Variants in CTXND2 observed in about 807,000 individuals in gnomAD.
The protein encoded by CTXND2 is cortexin domain containing 2.
chr1:150,891,368 C>T (rs1437253885), intron 1 of CTXND2, among the ~76,000 whole-genome samples: 3 of 152,154 alleles, frequency 2.0e-5, no homozygotes, highest in Admixed American at 6.5e-5. Flanking sequence ...CACCCGCCAC[C>T]ATGCCTGGCT....
At chr1:150,911,086 G>A (rs1383909162) in intron 1 of CTXND2, among the ~76,000 whole-genome samples, 5 of 151,932 alleles carry the variant, frequency 3.3e-5, no homozygotes, top group Admixed American at 6.6e-5. Flanking sequence ...TTACAGGCAT[G>A]AGCCATCGTG....
chr1:150,909,573 A>C (rs1402074902), intron 1 of CTXND2, among the ~76,000 whole-genome samples: 1 of 152,030 alleles, frequency 6.6e-6, no homozygotes, highest in Non-Finnish European at 1.5e-5. Flanking sequence ...AAAAGTTTTA[A>C]ATTTTGATGA....
chr1:150,900,570 C>T (rs899731220), intron 1 of CTXND2, among the ~76,000 whole-genome samples: 2 of 152,116 alleles, frequency 1.3e-5, no homozygotes, highest in Non-Finnish European at 2.9e-5. Context: ...ATCACTTGAA[C>T]CCGGGAGGTG....
intron 1 of CTXND2, among the ~76,000 whole-genome samples, chr1:150,901,134 T>C (rs1412807128): frequency 2.6e-5 from 4 of 151,802 alleles, no homozygotes; most frequent in African/African-American, 9.7e-5. Context: ...ACAGAAAGAA[T>C]GAAAACAATC....
intron 1 of CTXND2, among the ~76,000 whole-genome samples, chr1:150,899,686 AG>A (rs1259846880): frequency 5.3e-5 from 8 of 152,144 alleles, no homozygotes; most frequent in Admixed American, 1.3e-4. Flanking sequence ...GGCCTGATGC[AG>A]TGGCTCATGC....
At chr1:150,904,276 A>G in intron 1 of CTXND2, 1 of 474,914 alleles carries the variant, frequency 2.1e-6, no homozygotes, top group South Asian at 1.7e-5. Context: ...TGTGTACCAT[A>G]CTTTAACAGA....
chr1:150,897,392 T>C (rs34372981), intron 1 of CTXND2, among the ~76,000 whole-genome samples: 29,025 of 152,204 alleles, frequency 0.19, 3,423 homozygotes, highest in East Asian at 0.28. Context: ...TGGCACAATA[T>C]TGGCTCACTG....
chr1:150,911,498 C>T (rs1252577071), intron 1 of CTXND2, among the ~76,000 whole-genome samples: 5 of 150,706 alleles, frequency 3.3e-5, no homozygotes, highest in Non-Finnish European at 2.9e-5. Context: ...TGCAATGACT[C>T]GGTCTCGGCT....
intron 1 of CTXND2, among the ~76,000 whole-genome samples, chr1:150,889,596 C>T (rs1668821499): frequency 6.6e-6 from 1 of 151,996 alleles, no homozygotes; most frequent in South Asian, 2.1e-4. Flanking sequence ...CTGTTACTCA[C>T]TGTGTTATCC....
chr1:150,892,701 G>C (rs1351700710), intron 1 of CTXND2, among the ~76,000 whole-genome samples: 2 of 151,844 alleles, frequency 1.3e-5, no homozygotes, highest in African/African-American at 4.8e-5. Flanking sequence ...ACCAGGCCCA[G>C]CTAATTTTTG....
chr1:150,900,404 G>A (rs1479066586), intron 1 of CTXND2, among the ~76,000 whole-genome samples: 1 of 152,190 alleles, frequency 6.6e-6, no homozygotes, highest in African/African-American at 2.4e-5. Context: ...AGGAACAAAC[G>A]TTGGACACAC....
chr1:150,891,586 T>C (rs944267760), intron 1 of CTXND2, among the ~76,000 whole-genome samples: 1 of 152,214 alleles, frequency 6.6e-6, no homozygotes, highest in African/African-American at 2.4e-5. Context: ...GGCTCCCCAC[T>C]GATTACAAAG....
At chr1:150,891,574 A>G (rs1668851121) in intron 1 of CTXND2, among the ~76,000 whole-genome samples, 1 of 152,120 alleles carries the variant, frequency 6.6e-6, no homozygotes, top group East Asian at 1.9e-4. Flanking sequence ...AAGCTTTCCA[A>G]TGGCTCCCCA....
At chr1:150,895,000 C>T (rs1219869957) in intron 1 of CTXND2, among the ~76,000 whole-genome samples, 2 of 151,942 alleles carry the variant, frequency 1.3e-5, no homozygotes. Context: ...CACTGCACCC[C>T]AGCCTGGGTG....
chr1:150,898,149 T>TG (rs1196274037), intron 1 of CTXND2, among the ~76,000 whole-genome samples: 22 of 129,238 alleles, frequency 1.7e-4, no homozygotes, highest in Admixed American at 1.2e-3. Flanking sequence ...ACTATAGATG[T>TG]GGGGTTTTTT....
chr1:150,902,350 T>G lies in CTXND2; in HGVS notation c.-73-9892T>G, dbSNP rs587704962. On this transcript the variant is annotated intron_variant, in intron 1 of 1. Transcript: ENST00000636087. ...TGAACCCGGGAGGCGGAGCTTGCAG[T>G]GAGCTGAGATTGGGCCACTGCACTC... 3.3e-5 allele frequency among the ~76,000 whole-genome samples: 5 copies of G among 150,794 alleles called. No individual in the cohort carries two copies. The South Asian group carries it at 1.0e-3, about 32-fold the overall frequency.
Position 150,902,572 on chromosome 1 carries a change from C to T in CTXND2, c.-73-9670C>T, listed in dbSNP as rs191482340. Among the ~76,000 whole-genome samples, 141 of 151,996 alleles carry T rather than the reference C, an allele frequency of 9.3e-4. 1 individual carries two copies. The highest frequency in any genetic ancestry group is 2.5e-3 in the Admixed American group (38 of 15,234). ...GACGGAAATGAATGAGATTCATCACCTATAGGAGGTAGGTAGGAATGGGTG... is the reference window on the plus strand; with the variant it reads ...GACGGAAATGAATGAGATTCATCACTTATAGGAGGTAGGTAGGAATGGGTG... On this transcript the variant is annotated intron_variant, in intron 1 of 1. Coordinates refer to ENST00000636087, the Ensembl canonical transcript of CTXND2.
chr1:150,903,362 A>G (rs1367649395), intron 1 of CTXND2, among the ~76,000 whole-genome samples: 1 of 152,126 alleles, frequency 6.6e-6, no homozygotes, highest in South Asian at 2.1e-4. Flanking sequence ...AAGAGAGGCC[A>G]ACAGCCTTTC....
chr1:150,904,433 C>T (rs1251312115), intron 1 of CTXND2, among the ~76,000 whole-genome samples: 1 of 152,216 alleles, frequency 6.6e-6, no homozygotes, highest in African/African-American at 2.4e-5. Flanking sequence ...AATGCTATCA[C>T]TGTTTACCCC....
Sources: allele counts gnomAD v4.1 joint callset (sites outside exome capture counted in the v4.1 genomes callset), GRCh38; gene constraint gnomAD v4.1.1; transcripts MANE v1.5; gene names NCBI Gene and HGNC (gene_info 2026-07-23, HGNC 2026-07-21).